Variants in JAKMIP1 observed in about 807,000 individuals in gnomAD.
JAKMIP1 encodes the protein janus kinase and microtubule-interacting protein 1.
A neutral mutation model predicts 113.0 loss-of-function variants in JAKMIP1; 33 were observed. The observed-to-expected ratio is 0.29, with a 90% confidence interval of 0.22 to 0.39. The LOEUF (loss-of-function observed/expected upper bound fraction) is 0.39. JAKMIP1 is among the 10% of genes least tolerant of loss of function. The pLI is 1.00. For synonymous variants in JAKMIP1, 480 were observed against 459.9 expected, an observed-to-expected ratio of 1.04 and a Z score of -0.56; for missense variants, 813 against 1,080.5, an observed-to-expected ratio of 0.75 and a Z score of 3.47.
rs756766524 is a variant in JAKMIP1 at position 6,167,927 on chromosome 4, C to CT, written c.-148+32325dup. Among the ~76,000 whole-genome samples the CT allele has an allele frequency of 9.9e-5, 15 of 152,222 alleles. No individual in the cohort carries two copies. Among genetic ancestry groups the CT allele is most frequent in the Non-Finnish European group, 2.1e-4 (14 of 68,046 alleles). ...GCGCCAGATCGCTGCACCAGTGAGA[C>CT]TTTGTCTCCCAGAGCTGACAGCATG... On this transcript the variant is annotated intron_variant, in intron 1 of 20. Coordinates refer to ENST00000409021, the MANE Select transcript of JAKMIP1 (RefSeq NM_001099433.2). This position sits in a 1 kb window ranked among gnomAD's most constrained non-coding sequence, Gnocchi z 5.3.
chr4:6,098,721 AAAAAGAAAGAAAGAGAAGGAAG>A (rs1712449570), intron 3 of JAKMIP1, among the ~76,000 whole-genome samples: 1 of 32,784 alleles, frequency 3.1e-5, no homozygotes. Flanking sequence ...AGAAAGAAAG[AAAAAGAAAGAAAGAGAAGGAAG>A]GAAGGAAGGA....
rs1306187244 is a variant in JAKMIP1 at position 6,167,493 on chromosome 4, C to T, written c.-148+32760G>A. On this transcript the variant is annotated intron_variant, in intron 1 of 20. Coordinates refer to ENST00000409021, the MANE Select transcript of JAKMIP1 (RefSeq NM_001099433.2). This position sits in a 1 kb window ranked among gnomAD's most constrained non-coding sequence, Gnocchi z 5.3. ...AAGGACACAGAGAGGGATGGTGTCA[C>T]AGCTGTGCAACCTGGGCCACTGCAA... Among the ~76,000 whole-genome samples the T allele has an allele frequency of 6.6e-6, 1 of 152,214 alleles. No homozygotes were observed. The highest frequency in any genetic ancestry group is 1.5e-5 in the Non-Finnish European group (1 of 68,028).
intron 1 of JAKMIP1, among the ~76,000 whole-genome samples, chr4:6,172,458 G>C (rs1724841758): frequency 6.6e-6 from 1 of 152,130 alleles, no homozygotes; most frequent in South Asian, 2.1e-4. Flanking sequence ...CTCCAGCTCT[G>C]GCCTGGGTTT....
At chr4:6,132,462 T>G (rs1181980832) in intron 1 of JAKMIP1, among the ~76,000 whole-genome samples, 1 of 151,798 alleles carries the variant, frequency 6.6e-6, no homozygotes, top group African/African-American at 2.4e-5. Context: ...GCCAACATGG[T>G]GAAACCCCGT....
chr4:6,066,694 G>T (rs1469701473), intron 8 of JAKMIP1, among the ~76,000 whole-genome samples: 3 of 151,968 alleles, frequency 2.0e-5, no homozygotes, highest in Non-Finnish European at 2.9e-5. Context: ...AAACCCTGTT[G>T]TCTTCACCTT....
intron 16 of JAKMIP1, among the ~76,000 whole-genome samples, chr4:6,047,930 T>C (rs1024773514): frequency 1.3e-5 from 2 of 152,214 alleles, no homozygotes; most frequent in African/African-American, 2.4e-5. Context: ...ATTTTTAATA[T>C]GTAAAGCACT....
At chr4:6,160,023 G>A (rs1722715637) in intron 1 of JAKMIP1, among the ~76,000 whole-genome samples, 2 of 152,116 alleles carry the variant, frequency 1.3e-5, no homozygotes, top group Admixed American at 1.3e-4. Flanking sequence ...AAAGCAAGAA[G>A]GTGATTTCCT....
chr4:6,082,887 C>T (rs1397672305), intron 5 of JAKMIP1, among the ~76,000 whole-genome samples: 1 of 151,928 alleles, frequency 6.6e-6, no homozygotes, highest in Non-Finnish European at 1.5e-5. Context: ...ACTACCAAGC[C>T]GCTGGTAAAA....
At position 6,056,725 on chromosome 4, in the gene JAKMIP1, A is replaced by T; in HGVS notation, c.1679T>A (p.Ile560Asn). ...SKWVEEKQLL[I>N]RTNQDLLEKI... ...TTCCAGCAAGTCTTGGTTTGTTCTG[A>T]TGAGCAGCTGCTTCTCTTCAACCCA... The change falls in exon 12 of 21, where the codon ATC becomes AAC. Residue 560 changes from isoleucine (I) to asparagine (N), a missense_variant. Coordinates refer to ENST00000409021, the MANE Select transcript of JAKMIP1 (RefSeq NM_001099433.2). 1 of 1,613,714 alleles carries T rather than the reference A, an allele frequency of 6.2e-7. No homozygotes were observed.
chr4:6,073,833 T>G (rs1719311219), intron 8 of JAKMIP1, among the ~76,000 whole-genome samples: 1 of 152,250 alleles, frequency 6.6e-6, no homozygotes, highest in Admixed American at 6.5e-5. Context: ...GGGTCCTTCT[T>G]TCAACCAAGG....
At chr4:6,026,570 G>T (rs2108737301) in intron 20 of JAKMIP1, among the ~76,000 whole-genome samples, 1 of 152,124 alleles carries the variant, frequency 6.6e-6, no homozygotes, top group African/African-American at 2.4e-5. Flanking sequence ...GGACTTTTTG[G>T]TGCTGTGATG....
In JAKMIP1 at chr4:6,186,219, A is replaced by G. The variant is rs75091971; in HGVS notation, c.-148+14034T>C. On this transcript the variant is annotated intron_variant, in intron 1 of 20. Transcript: ENST00000409021. This position sits in a 1 kb window ranked among gnomAD's most constrained non-coding sequence, Gnocchi z 5.5. ...AGCTTGCCAGGGGCAGGTCAGGCGG[A>G]TGGGCAGGATGCAGACTGAGGAGGC... is the stretch of plus-strand genomic sequence containing the variant. Among the ~76,000 whole-genome samples, 889 of 152,314 alleles carry G rather than the reference A, an allele frequency of 5.8e-3. 8 individuals carry two copies. The highest frequency in any genetic ancestry group is 0.02 in the African/African-American group (850 of 41,578).
chr4:6,141,256 C>T lies in JAKMIP1; in HGVS notation c.-147-28259G>A, dbSNP rs13105485. ...TTCGAGACCAGCCTGGCCAACATGG[C>T]GAAACCCCGTCTCTATTAAAAATAC... On this transcript the variant is annotated intron_variant, in intron 1 of 20. Transcript: ENST00000409021. The surrounding 1 kb of genome is among the most constrained non-coding windows in gnomAD (Gnocchi z 9.4). Among the ~76,000 whole-genome samples the T allele has an allele frequency of 0.043, 6,525 of 152,078 alleles. 180 individuals are homozygous for T. Among genetic ancestry groups the T allele is most frequent in the Middle Eastern group, 0.065 (19 of 294 alleles).
chr4:6,061,971 C>T lies in JAKMIP1; in HGVS notation c.1560+341G>A, dbSNP rs1196567487. On this transcript the variant is annotated intron_variant, in intron 10 of 20. Coordinates refer to ENST00000409021, the MANE Select transcript of JAKMIP1 (RefSeq NM_001099433.2). This position sits in a 1 kb window ranked among gnomAD's most constrained non-coding sequence, Gnocchi z 5.3. ...GTCCTGGAGGGCGGGGGGCTGGCAG[C>T]CCTGGAGGGAGCGGAGCCTGAAGCC... Among the ~76,000 whole-genome samples the T allele has an allele frequency of 6.6e-6, 1 of 152,180 alleles. No individual in the cohort carries two copies. The highest frequency in any genetic ancestry group is 1.5e-5 in the Non-Finnish European group (1 of 68,026).
chr4:6,144,280 C>T (rs945175050), intron 1 of JAKMIP1, among the ~76,000 whole-genome samples: 11 of 152,172 alleles, frequency 7.2e-5, no homozygotes, highest in African/African-American at 2.7e-4. Flanking sequence ...AAAGCACAGG[C>T]CTAGATGGCT....
chr4:6,118,366 C>T (rs149645589), intron 1 of JAKMIP1, among the ~76,000 whole-genome samples: 93 of 152,214 alleles, frequency 6.1e-4, no homozygotes, highest in African/African-American at 1.9e-3. Context: ...GGCTCTGTGA[C>T]CATCATCCTG....
At position 6,193,338 on chromosome 4, in the gene JAKMIP1, G is replaced by A. The variant is rs187021327; in HGVS notation, c.-148+6915C>T. Among the ~76,000 whole-genome samples the A allele has an allele frequency of 1.5e-3, 235 of 152,282 alleles. No individual in the cohort carries two copies. Among genetic ancestry groups the A allele is most frequent in the Non-Finnish European group, 9.1e-4 (62 of 68,024 alleles). ...CTCCTCAACTTGCAGACAGCCCATC[G>A]TGAGACTTTACCTTGTGATCGGTGA... On this transcript the variant is annotated intron_variant, in intron 1 of 20. Transcript: ENST00000409021. The surrounding 1 kb of genome is among the most constrained non-coding windows in gnomAD (Gnocchi z 6.4).
intron 2 of JAKMIP1, among the ~76,000 whole-genome samples, chr4:6,109,144 TTTTTTTG>T (rs1162799743): frequency 6.9e-6 from 1 of 144,612 alleles, no homozygotes; most frequent in African/African-American, 2.6e-5. Flanking sequence ...TTTTTTTTTT[TTTTTTTG>T]AGTCGGAGTC....
intron 10 of JAKMIP1, 137 bp downstream of exon 10, chr4:6,062,175 G>T (rs1192816894): frequency 1.1e-6 from 1 of 874,096 alleles, no homozygotes; most frequent in African/African-American, 1.6e-5. Flanking sequence ...CCACAGCAGA[G>T]ACCTTGCTAT....
Sources: gnomAD v4.1 joint callset for allele counts (sites outside exome capture counted in the v4.1 genomes callset) on GRCh38, gnomAD v4.1.1 for gene constraint, Gnocchi (gnomAD v3.1) non-coding constraint, MANE v1.5 for transcripts, NCBI Gene and HGNC (gene_info 2026-07-23, HGNC 2026-07-21) for gene names.